The following UHRF2 variants were observed in gnomAD, a reference collection of about 807,000 sequenced individuals.
The protein encoded by UHRF2 is E3 ubiquitin-protein ligase UHRF2.
In UHRF2, 23 loss-of-function variants were observed where a neutral mutation model predicts 96.8. The ratio of observed to expected loss-of-function variants is 0.24; its 90% CI spans 0.17 to 0.34. The LOEUF (loss-of-function observed/expected upper bound fraction) is 0.34, where lower values mean the gene tolerates loss of function less well. Among genes scored for constraint, UHRF2 ranks in the 10% least tolerant of loss-of-function variants. The pLI, the probability that UHRF2 is intolerant of heterozygous loss-of-function variation, is 1.00. For missense variants in UHRF2, 685 were observed against 981.5 expected (o/e 0.70, Z 4.04); for synonymous variants, 385 against 332.6 (o/e 1.16, Z -1.72).
At chr9:6,499,779 C>T (rs1825170568) in intron 12 of UHRF2, 56 bp from the exon 13 acceptor site, 1 of 1,211,892 alleles carries the variant, frequency 8.3e-7, no homozygotes, top group Middle Eastern at 2.1e-4. Context: ...ATCTAAACCC[C>T]CCTTCTCTGT....
intron 7 of UHRF2, 42 bp from the exon 8 acceptor site, chr9:6,481,950 T>G (rs781313503): frequency 6.3e-6 from 10 of 1,598,264 alleles, no homozygotes; most frequent in South Asian, 4.5e-5. Context: ...TCATTAAAAT[T>G]TAACATAACT....
intron 9 of UHRF2, chr9:6,492,533 C>A: frequency 5.0e-6 from 1 of 200,156 alleles, no homozygotes; most frequent in Non-Finnish European, 9.0e-6. Context: ...GGGTTTTGGA[C>A]CAATAACACT....
intron 5 of UHRF2, among the ~76,000 whole-genome samples, chr9:6,477,038 G>C (rs940688564): frequency 1.3e-5 from 2 of 152,160 alleles, no homozygotes; most frequent in Non-Finnish European, 2.9e-5. Flanking sequence ...TTTGAGACCA[G>C]TCTGGCCAAC....
chr9:6,424,798 T>A (rs73642516), intron 2 of UHRF2, among the ~76,000 whole-genome samples: 3,682 of 150,758 alleles, frequency 0.024, 167 homozygotes, highest in African/African-American at 0.082. Flanking sequence ...TTTTTTCAAT[T>A]ACCGTGACCA....
chr9:6,422,435 C>T (rs1217777093), intron 2 of UHRF2, among the ~76,000 whole-genome samples: 4 of 151,984 alleles, frequency 2.6e-5, no homozygotes, highest in Non-Finnish European at 4.4e-5. Flanking sequence ...CTTTCAGGGT[C>T]TCTTGGCTTT....
chr9:6,448,690 A>C (rs1821667957), intron 3 of UHRF2, among the ~76,000 whole-genome samples: 1 of 152,246 alleles, frequency 6.6e-6, no homozygotes, highest in African/African-American at 2.4e-5. Flanking sequence ...AAAAATACAA[A>C]GCATGCTGTT....
intron 3 of UHRF2, among the ~76,000 whole-genome samples, chr9:6,437,307 G>A (rs1587790555): frequency 2.0e-5 from 3 of 151,614 alleles, no homozygotes; most frequent in South Asian, 4.2e-4. Context: ...ATCTCGGCTC[G>A]CTGCAACCTC....
chr9:6,420,017 G>T (rs896019449), intron 1 of UHRF2, among the ~76,000 whole-genome samples: 20 of 151,156 alleles, frequency 1.3e-4, no homozygotes, highest in African/African-American at 4.1e-4. Flanking sequence ...CCAAAATGTT[G>T]GGATTACAGA....
At position 6,486,879 on chromosome 9, in the gene UHRF2, A is replaced by G; in HGVS notation, c.1451A>G (p.Asp484Gly). ...HVGGIHGRSN[D>G]GAYSLVLAGG... Reference sequence around the variant, plus strand: ...GGTGGAATTCATGGTCGAAGTAATGATGGGGCTTATTCTCTTGTACTGGCT... The same window carrying G: ...GGTGGAATTCATGGTCGAAGTAATGGTGGGGCTTATTCTCTTGTACTGGCT... Residue 484 changes from aspartate to glycine, a missense_variant, in exon 9 of 16, where the codon GAT becomes GGT. Around this residue, in one of 6 missense-constraint regions of UHRF2, gnomAD observed 73 missense variants for 283.7 expected, o/e 0.26. Transcript: ENST00000276893. 1 of 1,614,176 alleles carries G rather than the reference A, an allele frequency of 6.2e-7. No individual in the cohort carries two copies. The highest frequency in any genetic ancestry group is 8.5e-7 in the Non-Finnish European group (1 of 1,180,022).
chr9:6,470,154 C>G (rs756952176), intron 4 of UHRF2, among the ~76,000 whole-genome samples: 6 of 152,156 alleles, frequency 3.9e-5, no homozygotes, highest in Non-Finnish European at 5.9e-5. Flanking sequence ...GGGCAGATCA[C>G]TTGAGGTCAG....
chr9:6,477,604 T>C lies in UHRF2; in HGVS notation c.974-18T>C. On this transcript the variant is annotated intron_variant, in intron 5 of 15. Transcript: ENST00000276893. Reference sequence around the variant, plus strand: ...AAATGTTTTAAGACTAGACTTGCTATAATTTTGTTCTTAATAGGGCGAAAT... The same window carrying C: ...AAATGTTTTAAGACTAGACTTGCTACAATTTTGTTCTTAATAGGGCGAAAT... The C allele has an allele frequency of 6.3e-7, 1 of 1,578,208 alleles. No homozygotes were observed. The highest frequency in any genetic ancestry group is 8.6e-7 in the Non-Finnish European group (1 of 1,160,990).
At chr9:6,491,563 A>G (rs150211241) in intron 9 of UHRF2, among the ~76,000 whole-genome samples, 1 of 152,330 alleles carries the variant, frequency 6.6e-6, no homozygotes, top group Non-Finnish European at 1.5e-5. Context: ...GTGCTTTGGA[A>G]TTATTTATCT....
At chr9:6,496,519 C>T (rs1200510824) in intron 10 of UHRF2, 1 of 152,182 alleles carries the variant, frequency 6.6e-6, no homozygotes. Context: ...ATTCAGTGTT[C>T]TTCTTTGACC....
intron 8 of UHRF2, among the ~76,000 whole-genome samples, 163 bp from the exon 9 acceptor site, chr9:6,486,658 G>A (rs937533193): frequency 6.6e-6 from 1 of 151,936 alleles, no homozygotes; most frequent in Non-Finnish European, 1.5e-5. Context: ...CTCACTTCTT[G>A]GATCTTTAGG....
At chr9:6,442,047 C>G (rs1007221639) in intron 3 of UHRF2, among the ~76,000 whole-genome samples, 1 of 152,142 alleles carries the variant, frequency 6.6e-6, no homozygotes, top group Non-Finnish European at 1.5e-5. Context: ...CTCACTGCAA[C>G]CTCTGCCTCC....
chr9:6,451,479 G>A (rs199795827), intron 3 of UHRF2, among the ~76,000 whole-genome samples: 67 of 111,066 alleles, frequency 6.0e-4, no homozygotes, highest in Admixed American at 1.7e-3. Flanking sequence ...TTTTTTTTTT[G>A]TTTGTTTGTT....
chr9:6,437,155 A>G (rs531147297), intron 3 of UHRF2, among the ~76,000 whole-genome samples: 2 of 152,232 alleles, frequency 1.3e-5, no homozygotes, highest in Non-Finnish European at 2.9e-5. Flanking sequence ...TAAGTCATCA[A>G]ACAAGTTCTT....
chr9:6,495,573 A>G (rs958710696), intron 10 of UHRF2: 5 of 152,100 alleles, frequency 3.3e-5, no homozygotes, highest in African/African-American at 7.2e-5. Flanking sequence ...GTTTATTCCT[A>G]TTTCTTCCCA....
rs1056054382 is a variant in UHRF2, at chr9:6,413,267, C to T, written c.-224C>T. ...CTTTGAGGCGGTGTCTGCGGCAGCGCCTCAGAGTGGTTCCGGTCGTCTCTC... is the reference window on the plus strand; with the variant it reads ...CTTTGAGGCGGTGTCTGCGGCAGCGTCTCAGAGTGGTTCCGGTCGTCTCTC... On this transcript the variant is annotated 5_prime_UTR_variant, in exon 1 of 16. Transcript: ENST00000276893. The T allele has an allele frequency of 1.9e-5, 4 of 212,734 alleles. No homozygotes were observed. The highest frequency in any genetic ancestry group is 3.6e-5 in the Non-Finnish European group (4 of 110,378). The allele number at this position is 212,734 out of a possible 1,614,324, so 13.2% of individuals were successfully genotyped here.
Sources: allele counts gnomAD v4.1 joint callset (sites outside exome capture counted in the v4.1 genomes callset), GRCh38; gene constraint gnomAD v4.1.1; regional missense constraint gnomAD v4.1.1; transcripts MANE v1.5; gene names NCBI Gene and HGNC (gene_info 2026-07-23, HGNC 2026-07-21).